KSR2: variants seen among roughly 807,000 people sequenced by gnomAD.
The protein encoded by KSR2 is kinase suppressor of ras 2.
In KSR2, 25 loss-of-function variants were observed where a neutral mutation model predicts 107.8. The observed-to-expected ratio is 0.23, with a 90% CI of 0.17 to 0.32. The LOEUF (loss-of-function observed/expected upper bound fraction) is 0.32, where lower values mean the gene tolerates loss of function less well. Ranked by LOEUF, KSR2 falls within the 10% of genes least tolerant of loss-of-function variation. The pLI is 1.00. For missense variants in KSR2, 887 were observed against 1,268.9 expected (o/e 0.70, Z 4.57); for synonymous variants, 480 against 507.0 (o/e 0.95, Z 0.71).
intron 9 of KSR2, among the ~76,000 whole-genome samples, chr12:117,552,542 G>A (rs1877382568): frequency 6.6e-6 from 1 of 152,162 alleles, no homozygotes; most frequent in Non-Finnish European, 1.5e-5. Context: ...CATATTGTGA[G>A]GACACCCAAG....
chr12:117,537,679 A>G lies in KSR2; in HGVS notation c.1687+2040T>C, dbSNP rs1876147760. The stretch of plus-strand genomic sequence containing the variant: ...AACCCATACTCTAACTGCCATGCTG[A>G]AGTGCTTTTACCCAAAGGACCCCTT... On this transcript the variant is annotated intron_variant, in intron 10 of 19. Transcript: ENST00000339824. Among the ~76,000 whole-genome samples, 3 of 152,324 alleles carry G rather than the reference A, an allele frequency of 2.0e-5. No homozygotes were observed. The Middle Eastern group carries it at 0.01, about 518-fold the overall frequency.
intron 3 of KSR2, among the ~76,000 whole-genome samples, chr12:117,844,029 G>A (rs967669879): frequency 7.5e-5 from 11 of 147,462 alleles, no homozygotes; most frequent in Non-Finnish European, 1.5e-4. Flanking sequence ...TATACTCACA[G>A]TAATTTGGCT....
chr12:117,918,830 C>T (rs1399515664), intron 1 of KSR2, among the ~76,000 whole-genome samples: 2 of 151,354 alleles, frequency 1.3e-5, no homozygotes, highest in Non-Finnish European at 2.9e-5. Flanking sequence ...TTTCTGCAGG[C>T]GGGGTAGCTC....
At chr12:117,740,249 T>C (rs1364061581) in intron 4 of KSR2, among the ~76,000 whole-genome samples, 1 of 149,500 alleles carries the variant, frequency 6.7e-6, no homozygotes, top group Non-Finnish European at 1.5e-5. Flanking sequence ...TTGCTGCGAA[T>C]GCCATTAATT....
intron 5 of KSR2, among the ~76,000 whole-genome samples, chr12:117,588,891 AGAGTATTCT>A (rs1880159444): frequency 6.6e-6 from 1 of 152,248 alleles, no homozygotes; most frequent in Non-Finnish European, 1.5e-5. Flanking sequence ...TAATGCACAC[AGAGTATTCT>A]GAGCATGAGA....
intron 4 of KSR2, among the ~76,000 whole-genome samples, chr12:117,680,349 A>G (rs952049035): frequency 6.6e-6 from 1 of 152,228 alleles, no homozygotes; most frequent in African/African-American, 2.4e-5. Flanking sequence ...TCTTCTCATC[A>G]GCCATTACAT....
chr12:117,588,534 A>T (rs902421780), intron 5 of KSR2, among the ~76,000 whole-genome samples: 6 of 152,210 alleles, frequency 3.9e-5, no homozygotes. Flanking sequence ...TTAATGGACA[A>T]ATGAATGAAT....
intron 1 of KSR2, among the ~76,000 whole-genome samples, chr12:117,966,644 CACAT>C (rs1238818963): frequency 4.6e-5 from 7 of 150,710 alleles, no homozygotes; most frequent in South Asian, 2.1e-4. Context: ...CACACACACA[CACAT>C]GCTGTCTCTC....
chr12:117,950,593 T>C (rs1038550909), intron 1 of KSR2, among the ~76,000 whole-genome samples: 1 of 151,356 alleles, frequency 6.6e-6, no homozygotes, highest in Admixed American at 6.6e-5. Context: ...CAAAAAAAAT[T>C]AGCCAGGCAT....
At chr12:117,484,281 G>A in intron 16 of KSR2, 135 bp downstream of exon 16, 1 of 951,320 alleles carries the variant, frequency 1.1e-6, no homozygotes, top group Non-Finnish European at 1.6e-6. Flanking sequence ...CACATCAGTA[G>A]AGCAGCTGCC....
rs370944109 is a variant in KSR2 at position 117,667,696 on chromosome 12, T to A, written c.987-38A>T. 22 of 1,499,802 alleles carry A rather than the reference T, an allele frequency of 1.5e-5. No homozygotes were observed. The African/African-American group carries it at 2.8e-4, about 19-fold the overall frequency. 92.9% of individuals were successfully genotyped at this position (1,499,802 alleles called of 1,614,324 possible). A position where few individuals can be genotyped will look rare whatever the true frequency, so the allele number is the denominator to read the frequency against. On this transcript the variant is annotated intron_variant, in intron 4 of 19. Coordinates refer to ENST00000339824, the MANE Select transcript of KSR2 (RefSeq NM_173598.6). ...CAGAAAAAGAGGAAAAGGAAATATA[T>A]CCATAGGTGCACAAAGTTACAGCAG...
chr12:117,583,771 C>T (rs910188708), intron 5 of KSR2, among the ~76,000 whole-genome samples: 1 of 152,150 alleles, frequency 6.6e-6, no homozygotes, highest in Admixed American at 6.5e-5. Context: ...GCAAGGAACT[C>T]GTCCTGCTTG....
At chr12:117,587,413 G>C (rs11068555) in intron 5 of KSR2, among the ~76,000 whole-genome samples, 1 of 151,962 alleles carries the variant, frequency 6.6e-6, no homozygotes, top group Non-Finnish European at 1.5e-5. Context: ...GAAGGAGGAG[G>C]GGGGACAGCA....
At chr12:117,707,440 G>C (rs988320434) in intron 4 of KSR2, among the ~76,000 whole-genome samples, 1 of 152,170 alleles carries the variant, frequency 6.6e-6, no homozygotes, top group Non-Finnish European at 1.5e-5. Context: ...AAAAAGAATA[G>C]AATAAAAAGG....
Position 117,466,409 on chromosome 12 carries a change from G to A in KSR2, c.*790C>T, listed in dbSNP as rs1871146970. 1 of 152,198 alleles carries A rather than the reference G, an allele frequency of 6.6e-6. No homozygotes were observed. Among genetic ancestry groups the A allele is most frequent in the Non-Finnish European group, 1.5e-5 (1 of 68,072 alleles). 9.4% of individuals were successfully genotyped at this position (152,198 alleles called of 1,614,324 possible). ...TCATCTTGGCTTTCCAAATGGCAAG[G>A]AGGTGCGGGCAGTGAGGTGAAAAGG... On this transcript the variant is annotated 3_prime_UTR_variant, in exon 20 of 20. Transcript: ENST00000339824.
At chr12:117,725,130 G>A (rs1887374791) in intron 4 of KSR2, among the ~76,000 whole-genome samples, 2 of 150,540 alleles carry the variant, frequency 1.3e-5, no homozygotes, top group South Asian at 4.2e-4. Flanking sequence ...AACAAAAGAT[G>A]GCAAAGGAGG....
rs759463526 is a variant in KSR2 at position 117,467,154 on chromosome 12, G to T, written c.*45C>A. The T allele has an allele frequency of 1.5e-6, 1 of 674,266 alleles. No individual in the cohort carries two copies. Among genetic ancestry groups the T allele is most frequent in the Non-Finnish European group, 2.7e-6 (1 of 371,832 alleles). 41.8% of individuals were successfully genotyped at this position (674,266 alleles called of 1,614,324 possible). A position where few individuals can be genotyped will look rare whatever the true frequency, so the allele number is the denominator to read the frequency against. On this transcript the variant is annotated 3_prime_UTR_variant, in exon 20 of 20. Coordinates refer to ENST00000339824, the MANE Select transcript of KSR2 (RefSeq NM_173598.6). Reference sequence around the variant, plus strand: ...CAGAGGACAGAGTAGGGAGGGAGAGGTGACGGGAGCCCAGGCAGCTGGGCG... The same window carrying T: ...CAGAGGACAGAGTAGGGAGGGAGAGTTGACGGGAGCCCAGGCAGCTGGGCG...
intron 5 of KSR2, among the ~76,000 whole-genome samples, chr12:117,589,935 T>C (rs996142235): frequency 2.0e-5 from 3 of 152,206 alleles, no homozygotes; most frequent in Admixed American, 2.0e-4. Context: ...GAGGCTTCCC[T>C]GGAATCCCTT....
chr12:117,915,688 C>T (rs898402165), intron 1 of KSR2, among the ~76,000 whole-genome samples: 1 of 152,154 alleles, frequency 6.6e-6, no homozygotes, highest in African/African-American at 2.4e-5. Flanking sequence ...AACTTCGGCT[C>T]GAGATATATT....
Sources: allele counts gnomAD v4.1 joint callset (sites outside exome capture counted in the v4.1 genomes callset), GRCh38; gene constraint gnomAD v4.1.1; transcripts MANE v1.5; gene names NCBI Gene and HGNC (gene_info 2026-07-23, HGNC 2026-07-21).